The following LRIG1 variants were observed in gnomAD, a reference collection of about 807,000 sequenced individuals.
LRIG1 encodes the protein leucine rich repeats and immunoglobulin like domains 1, also known as leucine-rich repeats and immunoglobulin-like domains protein 1.
LRIG1 carries 48 observed loss-of-function variants against 99.2 expected under a neutral mutation model. The ratio of observed to expected loss-of-function variants is 0.48; its 90% CI spans 0.38 to 0.62. The LOEUF (loss-of-function observed/expected upper bound fraction) is 0.62, where lower values mean the gene tolerates loss of function less well. Among genes scored for constraint, LRIG1 ranks in the 20% least tolerant of loss-of-function variants. The pLI, the probability that LRIG1 is intolerant of heterozygous loss-of-function variation, is 0.00. For missense variants in LRIG1, 1,646 were observed against 1,434.4 expected (o/e 1.15, Z -2.38); for synonymous variants, 772 against 596.1 (o/e 1.29, Z -4.30).
In LRIG1 at chr3:66,410,271, G is replaced by A; in HGVS notation, c.793C>T (p.His265Tyr). The change falls in exon 7 of 19, where the codon CAC becomes TAC. Residue 265 changes from histidine to tyrosine, a missense_variant and splice_region_variant. Transcript: ENST00000273261. ...TCTACCAGGCTGTTGTACTCCAGGT[G>A]CCTGCAATGACAGCCATGCACAGGA... Reference protein sequence around the residue: ...FWGLSKMHVLHLEYNSLVEVN... With the variant: ...FWGLSKMHVLYLEYNSLVEVN... The A allele has an allele frequency of 1.2e-6, 2 of 1,603,518 alleles. No individual in the cohort carries two copies. Among genetic ancestry groups the A allele is most frequent in the Non-Finnish European group, 1.7e-6 (2 of 1,175,140 alleles).
At chr3:66,471,086 T>C (rs1358463369) in intron 1 of LRIG1, among the ~76,000 whole-genome samples, 2 of 152,110 alleles carry the variant, frequency 1.3e-5, no homozygotes, top group African/African-American at 2.4e-5. Flanking sequence ...GGGCAGGGAA[T>C]AGCTGCTGCC....
chr3:66,419,700 T>C (rs1470309415), intron 3 of LRIG1, among the ~76,000 whole-genome samples: 1 of 151,824 alleles, frequency 6.6e-6, no homozygotes, highest in Non-Finnish European at 1.5e-5. Flanking sequence ...ATGGCGGCAA[T>C]ACAGAGACAG....
In LRIG1 at chr3:66,443,482, T is replaced by C. The variant is rs907889495; in HGVS notation, c.365+8077A>G. Among the ~76,000 whole-genome samples the C allele has an allele frequency of 8.5e-5, 13 of 152,308 alleles. No individual in the cohort carries two copies. In the South Asian group the frequency reaches 1.0e-3, roughly 12 times the overall value. On this transcript the variant is annotated intron_variant, in intron 3 of 18. Coordinates refer to ENST00000273261, the MANE Select transcript of LRIG1 (RefSeq NM_015541.3). ...TTGGCTGAACATTTAGGGTGTTACT[T>C]ACACCTGTAACTTACACCTCTGTGT...
intron 1 of LRIG1, among the ~76,000 whole-genome samples, chr3:66,494,348 G>C (rs1701180997): frequency 1.3e-5 from 2 of 152,164 alleles, no homozygotes; most frequent in African/African-American, 4.8e-5. Context: ...AGTGTGAGTT[G>C]GGTGTGACCA....
intron 1 of LRIG1, among the ~76,000 whole-genome samples, chr3:66,481,246 C>T (rs966114299): frequency 1.3e-5 from 2 of 152,176 alleles, no homozygotes; most frequent in African/African-American, 4.8e-5. Flanking sequence ...TCCAGTTGCT[C>T]CCCTTGCGCC....
At chr3:66,404,135 A>G in intron 9 of LRIG1, 2 of 673,016 alleles carry the variant, frequency 3.0e-6, no homozygotes. Flanking sequence ...CAGCCAACAG[A>G]GCTTATTCCT....
chr3:66,384,877 C>T (rs1701291058), intron 13 of LRIG1, among the ~76,000 whole-genome samples: 2 of 152,168 alleles, frequency 1.3e-5, no homozygotes, highest in African/African-American at 4.8e-5. Flanking sequence ...CAGGCACCAC[C>T]AGAGTTCCTG....
intron 9 of LRIG1, among the ~76,000 whole-genome samples, chr3:66,404,988 C>A (rs1042539456): frequency 2.0e-5 from 3 of 152,236 alleles, no homozygotes; most frequent in African/African-American, 7.2e-5. Context: ...CCCCAAGAAC[C>A]CAACACCCAG....
intron 3 of LRIG1, among the ~76,000 whole-genome samples, chr3:66,436,147 T>C (rs904343967): frequency 1.3e-5 from 2 of 152,226 alleles, no homozygotes; most frequent in Admixed American, 6.5e-5. Context: ...AGCGTGGCCC[T>C]TGCCTGGCAT....
At chr3:66,383,944 T>TCACACACA (rs1295153319) in intron 14 of LRIG1, 47 bp downstream of exon 14, 2 of 1,028,390 alleles carry the variant, frequency 1.9e-6, no homozygotes, top group Non-Finnish European at 2.6e-6. Context: ...TCTCTCTCTC[T>TCACACACA]CGCTCACACA....
intron 1 of LRIG1, among the ~76,000 whole-genome samples, chr3:66,493,582 A>C (rs1029999053): frequency 1.3e-5 from 2 of 151,734 alleles, no homozygotes; most frequent in African/African-American, 4.8e-5. Flanking sequence ...ATTCCAAAAG[A>C]CTCCTTCACA....
At chr3:66,402,845 C>T (rs562213073) in intron 9 of LRIG1, among the ~76,000 whole-genome samples, 2 of 152,344 alleles carry the variant, frequency 1.3e-5, no homozygotes, top group South Asian at 4.1e-4. Context: ...TTCTCTCAGC[C>T]AGGGCCACAG....
At chr3:66,465,388 G>C (rs1244638710) in intron 1 of LRIG1, among the ~76,000 whole-genome samples, 2 of 113,564 alleles carry the variant, frequency 1.8e-5, no homozygotes, top group Non-Finnish European at 3.3e-5. Flanking sequence ...TTTTTGAGAC[G>C]AGTCTTGCTC....
intron 11 of LRIG1, among the ~76,000 whole-genome samples, chr3:66,397,608 C>T (rs1270423250): frequency 6.6e-6 from 1 of 152,152 alleles, no homozygotes; most frequent in Admixed American, 6.5e-5. Context: ...ACCTGTGAAC[C>T]GTGCCCAGAA....
intron 3 of LRIG1, among the ~76,000 whole-genome samples, chr3:66,420,661 T>C (rs1702778157): frequency 6.6e-6 from 1 of 152,226 alleles, no homozygotes; most frequent in Non-Finnish European, 1.5e-5. Context: ...ATTGCGGACA[T>C]GATGCCAAGT....
intron 1 of LRIG1, among the ~76,000 whole-genome samples, chr3:66,490,600 A>C (rs1248947814): frequency 6.6e-6 from 1 of 151,940 alleles, no homozygotes; most frequent in Non-Finnish European, 1.5e-5. Flanking sequence ...AACAGCACTT[A>C]ATTTCATAGA....
At chr3:66,422,907 G>C (rs1702865469) in intron 3 of LRIG1, among the ~76,000 whole-genome samples, 1 of 152,218 alleles carries the variant, frequency 6.6e-6, no homozygotes, top group African/African-American at 2.4e-5. Flanking sequence ...CATCTTACAT[G>C]GATGGCAGCA....
intron 1 of LRIG1, among the ~76,000 whole-genome samples, chr3:66,474,563 C>T (rs1019527267): frequency 3.9e-5 from 6 of 152,150 alleles, no homozygotes; most frequent in Admixed American, 1.3e-4. Flanking sequence ...CCAGGCTGGT[C>T]TTGAACTCCT....
At chr3:66,457,325 C>A (rs574706441) in intron 2 of LRIG1, among the ~76,000 whole-genome samples, 1 of 151,772 alleles carries the variant, frequency 6.6e-6, no homozygotes, top group Non-Finnish European at 1.5e-5. Context: ...GTCTCCACGA[C>A]TTTTTAGAAT....
Sources: allele counts gnomAD v4.1 joint callset (sites outside exome capture counted in the v4.1 genomes callset), GRCh38; gene constraint gnomAD v4.1.1; transcripts MANE v1.5; gene names NCBI Gene and HGNC (gene_info 2026-07-23, HGNC 2026-07-21).